PDE10A: variants seen among roughly 807,000 people sequenced by gnomAD.
PDE10A encodes the protein cAMP and cAMP-inhibited cGMP 3',5'-cyclic phosphodiesterase 10A.
In PDE10A, 39 loss-of-function variants were observed where a neutral mutation model predicts 97.7. That is an observed-to-expected ratio of 0.40 (90% CI 0.31 to 0.52). The LOEUF (loss-of-function observed/expected upper bound fraction) is 0.52, where lower values mean the gene tolerates loss of function less well. PDE10A is among the 20% of genes least tolerant of loss of function. PDE10A has a pLI of 0.56. For synonymous variants in PDE10A, 371 were observed against 376.8 expected, an observed-to-expected ratio of 0.98 and a Z score of 0.18; for missense variants, 731 against 1,047.8, an observed-to-expected ratio of 0.70 and a Z score of 4.17.
intron 1 of PDE10A, among the ~76,000 whole-genome samples, chr6:165,608,684 C>T (rs931619399): frequency 2.0e-5 from 3 of 152,108 alleles, no homozygotes; most frequent in African/African-American, 7.2e-5. Flanking sequence ...GAGGAATCGC[C>T]ACACTGTCTT....
At chr6:165,713,317 C>T (rs1791947563) in intron 1 of PDE10A, among the ~76,000 whole-genome samples, 1 of 152,172 alleles carries the variant, frequency 6.6e-6, no homozygotes, top group African/African-American at 2.4e-5. Context: ...TCCCAATTAC[C>T]ATGCATAAAG....
chr6:165,527,851 C>T (rs531720225), intron 2 of PDE10A, among the ~76,000 whole-genome samples: 10 of 152,272 alleles, frequency 6.6e-5, no homozygotes, highest in African/African-American at 2.4e-4. Flanking sequence ...GGGGAGTTCC[C>T]TATGATCAGT....
chr6:165,873,731 T>C (rs763221352), intron 1 of PDE10A, among the ~76,000 whole-genome samples: 33 of 152,198 alleles, frequency 2.2e-4, no homozygotes, highest in Non-Finnish European at 2.6e-4. Context: ...CAAAAAAAAT[T>C]GCCCTTTTTA....
chr6:165,483,250 T>A (rs1242821018), intron 2 of PDE10A, among the ~76,000 whole-genome samples: 1 of 152,218 alleles, frequency 6.6e-6, no homozygotes, highest in Non-Finnish European at 1.5e-5. Context: ...CTGTTGTCTG[T>A]CACCATCAGA....
At chr6:165,576,563 A>G (rs1457967022) in intron 1 of PDE10A, 3 of 696,976 alleles carry the variant, frequency 4.3e-6, no homozygotes, top group Non-Finnish European at 5.3e-6. Context: ...AAACAAAAAA[A>G]TCAAATAACT....
intron 12 of PDE10A, among the ~76,000 whole-genome samples, chr6:165,414,405 T>G (rs1788156578): frequency 6.6e-6 from 1 of 152,202 alleles, no homozygotes; most frequent in African/African-American, 2.4e-5. Context: ...TAGCTAACGG[T>G]AGGTAGTTAC....
intron 1 of PDE10A, among the ~76,000 whole-genome samples, chr6:165,766,598 C>A (rs1305625680): frequency 1.3e-5 from 2 of 152,144 alleles, no homozygotes; most frequent in Non-Finnish European, 2.9e-5. Context: ...GTTTTTAATG[C>A]CCTCGCTTTT....
intron 1 of PDE10A, among the ~76,000 whole-genome samples, chr6:165,872,712 A>C (rs1781236963): frequency 6.6e-6 from 1 of 152,158 alleles, no homozygotes; most frequent in Admixed American, 6.5e-5. Flanking sequence ...TTCATATGGA[A>C]GATTTCACTA....
chr6:165,951,987 A>G (rs1333378386), intron 1 of PDE10A, among the ~76,000 whole-genome samples: 1 of 152,266 alleles, frequency 6.6e-6, no homozygotes, highest in Non-Finnish European at 1.5e-5. Flanking sequence ...TTACTATGCC[A>G]GGGGAGGTAA....
chr6:165,779,775 G>C (rs1044096977), intron 1 of PDE10A, among the ~76,000 whole-genome samples: 2 of 152,132 alleles, frequency 1.3e-5, no homozygotes, highest in Non-Finnish European at 2.9e-5. Flanking sequence ...TCTCCCAGGG[G>C]CTCCCTGCAC....
intron 18 of PDE10A, among the ~76,000 whole-genome samples, chr6:165,364,420 G>T (rs987847216): frequency 6.6e-6 from 1 of 152,090 alleles, no homozygotes; most frequent in African/African-American, 2.4e-5. Context: ...GCTTGATTCT[G>T]GAATACTCAT....
At chr6:165,652,600 CA>C (rs1378992835) in intron 1 of PDE10A, among the ~76,000 whole-genome samples, 1 of 152,102 alleles carries the variant, frequency 6.6e-6, no homozygotes, top group Non-Finnish European at 1.5e-5. Flanking sequence ...TCTATATTAC[CA>C]TGCTGTTTTT....
chr6:165,971,133 G>C (rs1253018819), intron 1 of PDE10A, among the ~76,000 whole-genome samples: 1 of 140,492 alleles, frequency 7.1e-6, no homozygotes, highest in Non-Finnish European at 1.6e-5. Flanking sequence ...AGGCAACAGA[G>C]GGAGACAAAA....
chr6:165,372,930 C>G (rs901392270), intron 18 of PDE10A, among the ~76,000 whole-genome samples: 4 of 151,038 alleles, frequency 2.6e-5, no homozygotes, highest in African/African-American at 9.8e-5. Context: ...CGCTGCATAT[C>G]TACAACCATC....
At chr6:165,337,966 G>A (rs1218296001) in intron 20 of PDE10A, among the ~76,000 whole-genome samples, 1 of 152,136 alleles carries the variant, frequency 6.6e-6, no homozygotes, top group African/African-American at 2.4e-5. Flanking sequence ...TCTCAAGATG[G>A]GAAAGAACTT....
intron 1 of PDE10A, among the ~76,000 whole-genome samples, chr6:165,825,039 C>G (rs1379111314): frequency 3.4e-5 from 5 of 147,972 alleles, no homozygotes; most frequent in South Asian, 2.2e-4. Flanking sequence ...ATCTCAGCTA[C>G]TCGGGAGGCT....
chr6:165,476,115 C>A (rs1431887797), intron 3 of PDE10A, among the ~76,000 whole-genome samples: 2 of 149,446 alleles, frequency 1.3e-5, no homozygotes, highest in African/African-American at 4.9e-5. Flanking sequence ...AGGATAAATA[C>A]ATTTAAAAAA....
chr6:165,571,201 G>A (rs940626906), intron 1 of PDE10A, among the ~76,000 whole-genome samples: 1 of 152,178 alleles, frequency 6.6e-6, no homozygotes, highest in African/African-American at 2.4e-5. Flanking sequence ...CCAGCTGTTT[G>A]CTAGCAGAAC....
At chr6:165,544,846 C>G (rs375864693) in intron 1 of PDE10A, among the ~76,000 whole-genome samples, 3 of 148,896 alleles carry the variant, frequency 2.0e-5, no homozygotes, top group Non-Finnish European at 4.4e-5. Context: ...CACACATATA[C>G]ACACACAAAT....
Sources: allele counts gnomAD v4.1 joint callset (sites outside exome capture counted in the v4.1 genomes callset), GRCh38; gene constraint gnomAD v4.1.1; transcripts MANE v1.5; gene names NCBI Gene and HGNC (gene_info 2026-07-23, HGNC 2026-07-21).